Variants in IQGAP1 observed in about 807,000 individuals in gnomAD.
IQGAP1 encodes IQ motif containing GTPase activating protein 1, also known as ras GTPase-activating-like protein IQGAP1.
A neutral mutation model predicts 215.6 loss-of-function variants in IQGAP1; 66 were observed. The ratio of observed to expected loss-of-function variants is 0.31; its 90% CI spans 0.25 to 0.38. The LOEUF is 0.38. Ranked by LOEUF, IQGAP1 falls within the 10% of genes least tolerant of loss-of-function variation. IQGAP1 has a pLI of 1.00. For missense variants in IQGAP1, 1,712 were observed against 1,997.1 expected (o/e 0.86, Z 2.72); for synonymous variants, 772 against 728.7 (o/e 1.06, Z -0.96).
chr15:90,429,882 T>G (rs1965278319), intron 4 of IQGAP1: 1 of 358,626 alleles, frequency 2.8e-6, no homozygotes, highest in Non-Finnish European at 5.0e-6. Context: ...AGAAATTCCC[T>G]GTGATGATAT....
Position 90,476,660 on chromosome 15 carries a change from T to C in IQGAP1, c.2785-3T>C. The C allele has an allele frequency of 6.4e-7, 1 of 1,568,994 alleles. No homozygotes were observed. Among genetic ancestry groups the C allele is most frequent in the Non-Finnish European group, 8.6e-7 (1 of 1,164,434 alleles). On this transcript the variant is annotated splice_region_variant and splice_polypyrimidine_tract_variant and intron_variant, in intron 23 of 37. Transcript: ENST00000268182. ...TGATCTATTTATTGGTTTTTGTTTATAGGATGTGGTTTCCCACAGTAAAAA... is the reference window on the plus strand; with the variant it reads ...TGATCTATTTATTGGTTTTTGTTTACAGGATGTGGTTTCCCACAGTAAAAA...
chr15:90,415,453 C>T (rs747151980), intron 2 of IQGAP1, among the ~76,000 whole-genome samples: 19 of 152,016 alleles, frequency 1.2e-4, no homozygotes, highest in Non-Finnish European at 2.2e-4. Flanking sequence ...CTTTTCCTTT[C>T]TGATTTCTGC....
intron 2 of IQGAP1, among the ~76,000 whole-genome samples, chr15:90,423,865 AC>A (rs1567121450): frequency 6.6e-6 from 1 of 152,184 alleles, no homozygotes; most frequent in African/African-American, 2.4e-5. Context: ...GGGAGATGTT[AC>A]CATGGGCTCT....
chr15:90,440,834 C>A (rs528238804), intron 7 of IQGAP1, among the ~76,000 whole-genome samples: 1 of 152,180 alleles, frequency 6.6e-6, no homozygotes, highest in Non-Finnish European at 1.5e-5. Context: ...CCTGGCTGGG[C>A]GTGGTGGCTC....
At chr15:90,419,140 GAAA>G (rs200209041) in intron 2 of IQGAP1, among the ~76,000 whole-genome samples, 1 of 112,172 alleles carries the variant, frequency 8.9e-6, no homozygotes. Context: ...TCTCAAAAAA[GAAA>G]AAAAAAAAAA....
intron 2 of IQGAP1, among the ~76,000 whole-genome samples, chr15:90,405,383 G>A (rs1312368418): frequency 6.6e-6 from 1 of 152,176 alleles, no homozygotes; most frequent in African/African-American, 2.4e-5. Flanking sequence ...AGTAAAGTTG[G>A]CGTTGAGAAA....
chr15:90,499,962 GTTT>G, intron 37 of IQGAP1, 30 bp from the exon 38 acceptor site: 1 of 131,828 alleles, frequency 7.6e-6, no homozygotes, highest in Non-Finnish European at 1.8e-5. Context: ...CTGTCAAAAT[GTTT>G]TGTTTTGTTT....
intron 8 of IQGAP1, among the ~76,000 whole-genome samples, chr15:90,442,018 C>T (rs1204392480): frequency 2.6e-5 from 4 of 152,148 alleles, no homozygotes. Context: ...TGTGAGGCTC[C>T]ATTTTGACCT....
At chr15:90,468,500 T>C (rs1965862468) in intron 18 of IQGAP1, among the ~76,000 whole-genome samples, 1 of 152,350 alleles carries the variant, frequency 6.6e-6, no homozygotes, top group African/African-American at 2.4e-5. Flanking sequence ...GTCAAAATTC[T>C]TTCCTTCCCT....
chr15:90,484,419 A>G (rs1406039685), intron 30 of IQGAP1, 67 bp downstream of exon 30: 4 of 1,362,342 alleles, frequency 2.9e-6, no homozygotes, highest in African/African-American at 2.9e-5. Context: ...GCTGCTTATC[A>G]TCTCTGGTAG....
intron 33 of IQGAP1, among the ~76,000 whole-genome samples, chr15:90,491,091 G>C (rs186692509): frequency 7.9e-5 from 12 of 152,186 alleles, no homozygotes; most frequent in African/African-American, 1.2e-4. Context: ...TTACAGGCAT[G>C]AGCCACCGCG....
At chr15:90,431,109 G>C (rs1596263038) in intron 4 of IQGAP1, 1 of 149,568 alleles carries the variant, frequency 6.7e-6, no homozygotes, top group East Asian at 1.9e-4. Flanking sequence ...ATAGTATATT[G>C]ATATGTATAC....
chr15:90,460,999 T>TA (rs36022965), intron 15 of IQGAP1, among the ~76,000 whole-genome samples: 13,533 of 88,626 alleles, frequency 0.15, 1,150 homozygotes, highest in Non-Finnish European at 0.19. Context: ...ACCCTGTCTT[T>TA]AAAAAAAAAA....
chr15:90,442,577 C>T (rs990155858), intron 8 of IQGAP1, among the ~76,000 whole-genome samples: 3 of 152,138 alleles, frequency 2.0e-5, no homozygotes, highest in Admixed American at 6.5e-5. Context: ...ATTTCAGTTT[C>T]CCAGTTAGGT....
At chr15:90,448,496 G>A in intron 9 of IQGAP1, 77 bp from the exon 10 acceptor site, 1 of 1,267,904 alleles carries the variant, frequency 7.9e-7, no homozygotes, top group Non-Finnish European at 1.1e-6. Context: ...AACTGAGATT[G>A]GTTTTGGGGA....
In IQGAP1 at chr15:90,454,465, C is replaced by A; in HGVS notation, c.1525C>A (p.His509Asn). The change falls in exon 14 of 38, where the codon CAT (histidine) becomes AAT (asparagine). Residue 509 changes from histidine (H) to asparagine (N), a missense_variant. Physicochemically the swap from His to Asn is moderately conservative, Grantham distance 68. Around this residue, in one of 2 missense-constraint regions of IQGAP1, gnomAD observed 1,021 missense variants for 1,074.2 expected, o/e 0.95. Coordinates refer to ENST00000268182, the MANE Select transcript of IQGAP1 (RefSeq NM_003870.4). The stretch of plus-strand genomic sequence containing the variant: ...GTTGATGAAACTGAAGGCTCAGGCA[C>A]ATGCAGAGAATAATGAATTCATTAC... ...DELMKLKAQA[H>N]AENNEFITWN... 6.2e-7 allele frequency: 1 copy of A among 1,612,926 alleles called. No homozygotes were observed. The highest frequency in any genetic ancestry group is 1.7e-4 in the Middle Eastern group (1 of 6,052).
chr15:90,453,151 A>AG lies in IQGAP1; in HGVS notation c.1347dup (p.Leu450AlafsTer41). On this transcript the variant is annotated frameshift_variant, in exon 13 of 38. Coordinates refer to ENST00000268182, the MANE Select transcript of IQGAP1 (RefSeq NM_003870.4). LOFTEE classifies it high-confidence loss of function. ...GTACAGCATAATCTCACCCACCCAG[A>AG]GCTCTCTGTCGCAGTGGAGATGTTG... The AG allele has an allele frequency of 6.2e-7, 1 of 1,613,002 alleles. No homozygotes were observed. The highest frequency in any genetic ancestry group is 8.5e-7 in the Non-Finnish European group (1 of 1,179,560).
intron 19 of IQGAP1, 102 bp downstream of exon 19, chr15:90,473,112 C>T (rs1350955466): frequency 4.7e-5 from 50 of 1,064,850 alleles, no homozygotes; most frequent in Non-Finnish European, 6.7e-5. Flanking sequence ...TTTTTGAGTG[C>T]TGGACTCTTA....
chr15:90,490,741 G>A (rs574453863), intron 33 of IQGAP1, among the ~76,000 whole-genome samples: 4 of 152,192 alleles, frequency 2.6e-5, no homozygotes, highest in African/African-American at 7.2e-5. Context: ...GTCCAGTCTC[G>A]GTGATTGTAC....
Sources: allele counts gnomAD v4.1 joint callset (sites outside exome capture counted in the v4.1 genomes callset), GRCh38; gene constraint gnomAD v4.1.1; regional missense constraint gnomAD v4.1.1; transcripts MANE v1.5; gene names NCBI Gene and HGNC (gene_info 2026-07-23, HGNC 2026-07-21).